The following PPP1R3G variants were observed in gnomAD, a reference collection of about 807,000 sequenced individuals.
PPP1R3G encodes protein phosphatase 1 regulatory subunit 3G, also known as protein phosphatase 1, regulatory (inhibitor) subunit 3G.
Under a neutral mutation model 2.0 loss-of-function variants are expected in PPP1R3G, and 3 were observed. The ratio of observed to expected loss-of-function variants is 1.47; its 90% CI spans 0.67 to 3.81. The LOEUF (loss-of-function observed/expected upper bound fraction) is 3.81, where lower values mean the gene tolerates loss of function less well. Among genes scored for constraint, PPP1R3G ranks in the 30% most tolerant of loss-of-function variants. The pLI, the probability that PPP1R3G is intolerant of heterozygous loss-of-function variation, is 0.02. For synonymous variants in PPP1R3G, 267 were observed against 250.9 expected, an observed-to-expected ratio of 1.06 and a Z score of -0.61; for missense variants, 595 against 517.0, an observed-to-expected ratio of 1.15 and a Z score of -1.46.
rs1245256515 is a variant in PPP1R3G, at chr6:5,085,758, C to G, written c.273C>G (p.Pro91=). 9 of 1,536,798 alleles carry G rather than the reference C, an allele frequency of 5.9e-6. No individual in the cohort carries two copies. Among genetic ancestry groups the G allele is most frequent in the Non-Finnish European group, 7.9e-6 (9 of 1,142,044 alleles). The change falls in exon 1 of 1, where the codon CCC becomes CCG. Residue 91 remains proline, a synonymous_variant. Transcript: ENST00000405617. ...RARSFSLPAD[P]ILQAAKFLQQ... ...GCTCCTTTTCCTTGCCCGCCGACCC[C>G]ATCTTGCAGGCGGCCAAGTTCCTGC...
rs1368991338 is a variant in PPP1R3G at position 5,085,442 on chromosome 6, A to G, written c.-44A>G. The G allele has an allele frequency of 7.1e-7, 1 of 1,416,440 alleles. No homozygotes were observed. The highest frequency in any genetic ancestry group is 2.2e-5 in the Admixed American group (1 of 46,354). The allele number at this position is 1,416,440 out of a possible 1,614,324, so 87.7% of individuals were successfully genotyped here. On this transcript the variant is annotated 5_prime_UTR_variant, in exon 1 of 1. Transcript: ENST00000405617. ...CCCGAGGAGTTAGTTAAGTCTCCAG[A>G]GGGGCCCGGTTCGGCCCGAGCAAGT...
In PPP1R3G at chr6:5,085,602, C is replaced by G; in HGVS notation, c.117C>G (p.Gly39=). 1 of 1,546,858 alleles carries G rather than the reference C, an allele frequency of 6.5e-7. No individual in the cohort carries two copies. The highest frequency in any genetic ancestry group is 8.7e-7 in the Non-Finnish European group (1 of 1,146,530). The part of the protein sequence containing the change: ...APVVPCVQGG[G]DGGGASETPS... Reference sequence around the variant, plus strand: ...TGGTCCCCTGTGTGCAGGGTGGCGGCGACGGCGGTGGCGCTTCGGAGACCC... The same window carrying G: ...TGGTCCCCTGTGTGCAGGGTGGCGGGGACGGCGGTGGCGCTTCGGAGACCC... The change falls in exon 1 of 1, where the codon GGC becomes GGG. Residue 39 remains glycine, a synonymous_variant. Coordinates refer to ENST00000405617, the MANE Select transcript of PPP1R3G (RefSeq NM_001145115.3).
rs868103551 is a variant in PPP1R3G, at chr6:5,085,603, G to C, written c.118G>C (p.Asp40His). 5.2e-6 allele frequency: 8 copies of C among 1,547,018 alleles called. No individual in the cohort carries two copies. Among genetic ancestry groups the C allele is most frequent in the Non-Finnish European group, 7.0e-6 (8 of 1,146,570 alleles). ...PVVPCVQGGG[D>H]GGGASETPSP... ...GGTCCCCTGTGTGCAGGGTGGCGGCGACGGCGGTGGCGCTTCGGAGACCCC... is the reference window on the plus strand; with the variant it reads ...GGTCCCCTGTGTGCAGGGTGGCGGCCACGGCGGTGGCGCTTCGGAGACCCC... Residue 40 changes from aspartate to histidine, a missense_variant, in exon 1 of 1, where the codon GAC becomes CAC. By Grantham distance (81) the Asp-to-His change is moderately conservative. Transcript: ENST00000405617.
In PPP1R3G at chr6:5,085,653, T is replaced by C. The variant is rs1306658441; in HGVS notation, c.168T>C (p.Asp56=). The change falls in exon 1 of 1, where the codon GAT becomes GAC. Residue 56 remains aspartate, a synonymous_variant. Coordinates refer to ENST00000405617, the MANE Select transcript of PPP1R3G (RefSeq NM_001145115.3). ...ETPSPDAQLG[D]RPLSPKEEAA... is the part of the protein sequence containing the mutation. The stretch of plus-strand genomic sequence containing the variant: ...CGAGTCCTGACGCTCAGCTAGGGGA[T>C]AGGCCCCTGTCCCCGAAGGAAGAGG... 3.2e-6 allele frequency: 5 copies of C among 1,548,710 alleles called. 1 individual carries two copies. In the South Asian group the frequency reaches 3.6e-5, roughly 11 times the overall value.
Position 5,086,455 on chromosome 6 carries a change from G to T in PPP1R3G, c.970G>T (p.Ala324Ser). The T allele has an allele frequency of 6.5e-7, 1 of 1,536,856 alleles. No homozygotes were observed. The highest frequency in any genetic ancestry group is 8.7e-7 in the Non-Finnish European group (1 of 1,146,700). ...DEEDADERGV[A>S]VHFAVCYRCA... is the part of the protein sequence containing the mutation. Reference sequence around the variant, plus strand: ...AGAGGACGCCGACGAGCGCGGCGTCGCGGTCCACTTCGCTGTCTGCTACCG... The same window carrying T: ...AGAGGACGCCGACGAGCGCGGCGTCTCGGTCCACTTCGCTGTCTGCTACCG... The change falls in exon 1 of 1, where the codon GCG becomes TCG. Residue 324 changes from alanine (A) to serine (S), a missense_variant. Coordinates refer to ENST00000405617, the MANE Select transcript of PPP1R3G (RefSeq NM_001145115.3).
At position 5,085,409 on chromosome 6, in the gene PPP1R3G, T is replaced by C; in HGVS notation, c.-77T>C. ...AGCCTGAACTGCAGCCCTGCGCTCC[T>C]TCCACGGCCCGAGGAGTTAGTTAAG... is the stretch of plus-strand genomic sequence containing the variant. On this transcript the variant is annotated 5_prime_UTR_variant, in exon 1 of 1. Coordinates refer to ENST00000405617, the MANE Select transcript of PPP1R3G (RefSeq NM_001145115.3). 1 of 1,125,204 alleles carries C rather than the reference T, an allele frequency of 8.9e-7. No homozygotes were observed. The highest frequency in any genetic ancestry group is 1.5e-5 in the South Asian group (1 of 64,896). The allele number at this position is 1,125,204 out of a possible 1,614,324, so 69.7% of individuals were successfully genotyped here. A position where few individuals can be genotyped will look rare whatever the true frequency, so the allele number is the denominator to read the frequency against.
Position 5,086,776 on chromosome 6 carries a change from TC to T in PPP1R3G, c.*215del. 1.7e-6 allele frequency: 1 copy of T among 578,500 alleles called. No individual in the cohort carries two copies. Among genetic ancestry groups the T allele is most frequent in the Non-Finnish European group, 3.0e-6 (1 of 328,578 alleles). The allele number at this position is 578,500 out of a possible 1,614,324, so 35.8% of individuals were successfully genotyped here. On this transcript the variant is annotated 3_prime_UTR_variant, in exon 1 of 1. Coordinates refer to ENST00000405617, the MANE Select transcript of PPP1R3G (RefSeq NM_001145115.3). The stretch of plus-strand genomic sequence containing the variant: ...GAGCCCGGGCAATGCTCCGAAAGCC[TC>T]TGACCTCAGTCTTCTCGTCCGTTTG...
chr6:5,086,492 G>A lies in PPP1R3G; in HGVS notation c.1007G>A (p.Gly336Asp), dbSNP rs867120021. 7.8e-6 allele frequency: 12 copies of A among 1,537,352 alleles called. No homozygotes were observed. Among genetic ancestry groups the A allele is most frequent in the African/African-American group, 6.8e-5 (5 of 73,042 alleles). ...HFAVCYRCAQ[G>D]EYWDNNAGAN... ...GCTGTCTGCTACCGCTGCGCGCAGG[G>A]CGAGTACTGGGACAACAACGCGGGC... is the stretch of plus-strand genomic sequence containing the variant. Residue 336 changes from glycine to aspartate, a missense_variant, in exon 1 of 1, where the codon GGC becomes GAC. Physicochemically the swap from Gly to Asp is moderately conservative, Grantham distance 94. Transcript: ENST00000405617.
rs1039324888 is a variant in PPP1R3G, at chr6:5,088,676, A to G, written c.*2114A>G. The G allele has an allele frequency of 6.6e-6, 1 of 152,236 alleles. No homozygotes were observed. Among genetic ancestry groups the G allele is most frequent in the Non-Finnish European group, 1.5e-5 (1 of 68,038 alleles). The allele number at this position is 152,236 out of a possible 1,614,324, so 9.4% of individuals were successfully genotyped here. A position where few individuals can be genotyped will look rare whatever the true frequency, so the allele number is the denominator to read the frequency against. On this transcript the variant is annotated 3_prime_UTR_variant, in exon 1 of 1. Coordinates refer to ENST00000405617, the MANE Select transcript of PPP1R3G (RefSeq NM_001145115.3). ...AGGGAAGTAGTGTTTTTTAAACACAATATGCTGACAATTATAGTTAATAAA... is the reference window on the plus strand; with the variant it reads ...AGGGAAGTAGTGTTTTTTAAACACAGTATGCTGACAATTATAGTTAATAAA...
chr6:5,086,338 G>A lies in PPP1R3G; in HGVS notation c.853G>A (p.Glu285Lys), dbSNP rs1162572338. ...QQPEAPSGAS[E>K]PGSGDAKKEP... ...GCCAGAGGCACCGTCTGGGGCCTCC[G>A]AGCCAGGGTCCGGGGATGCCAAGAA... The change falls in exon 1 of 1, where the codon GAG becomes AAG. Residue 285 changes from glutamate to lysine, a missense_variant. Coordinates refer to ENST00000405617, the MANE Select transcript of PPP1R3G (RefSeq NM_001145115.3). The A allele has an allele frequency of 5.2e-6, 8 of 1,535,854 alleles. No homozygotes were observed. The highest frequency in any genetic ancestry group is 4.9e-5 in the East Asian group (2 of 40,900).
In PPP1R3G at chr6:5,086,089, C is replaced by G; in HGVS notation, c.604C>G (p.Gln202Glu). The change falls in exon 1 of 1, where the codon CAG (glutamine) becomes GAG (glutamate). Residue 202 changes from glutamine to glutamate, a missense_variant. Transcript: ENST00000405617. ...APPSRLRPLF[Q>E]LPGPSAAAER... The stretch of plus-strand genomic sequence containing the variant: ...GCCTTCCCGGCTCCGGCCGCTCTTC[C>G]AGCTCCCGGGGCCGAGCGCCGCGGC... The G allele has an allele frequency of 6.8e-7, 1 of 1,467,746 alleles. No homozygotes were observed. Among genetic ancestry groups the G allele is most frequent in the Non-Finnish European group, 8.9e-7 (1 of 1,118,262 alleles). 90.9% of individuals were successfully genotyped at this position (1,467,746 alleles called of 1,614,324 possible). A position where few individuals can be genotyped will look rare whatever the true frequency, so the allele number is the denominator to read the frequency against.
In PPP1R3G at chr6:5,086,471, T is replaced by C; in HGVS notation, c.986T>C (p.Val329Ala). 6.5e-7 allele frequency: 1 copy of C among 1,537,248 alleles called. No individual in the cohort carries two copies. The highest frequency in any genetic ancestry group is 2.4e-5 in the East Asian group (1 of 40,894). ...DERGVAVHFAVCYRCAQGEYW... is the reference protein window; with the variant it reads ...DERGVAVHFAACYRCAQGEYW... ...CGCGGCGTCGCGGTCCACTTCGCTG[T>C]CTGCTACCGCTGCGCGCAGGGCGAG... is the stretch of plus-strand genomic sequence containing the variant. The change falls in exon 1 of 1, where the codon GTC (valine) becomes GCC (alanine). Residue 329 changes from valine to alanine, a missense_variant. By Grantham distance (64) the Val-to-Ala change is moderately conservative. Coordinates refer to ENST00000405617, the MANE Select transcript of PPP1R3G (RefSeq NM_001145115.3).
chr6:5,089,125 A>C lies in PPP1R3G; in HGVS notation c.*2563A>C, dbSNP rs1252505494. The C allele has an allele frequency of 6.6e-6, 1 of 152,214 alleles. No individual in the cohort carries two copies. Among genetic ancestry groups the C allele is most frequent in the Non-Finnish European group, 1.5e-5 (1 of 68,030 alleles). 9.4% of individuals were successfully genotyped at this position (152,214 alleles called of 1,614,324 possible). A position where few individuals can be genotyped will look rare whatever the true frequency, so the allele number is the denominator to read the frequency against. ...ACATATTACAATTTAGACTTTTAAA[A>C]ATGGTCAATGGTCATATCAATGAAC... On this transcript the variant is annotated 3_prime_UTR_variant, in exon 1 of 1. Coordinates refer to ENST00000405617, the MANE Select transcript of PPP1R3G (RefSeq NM_001145115.3).
In PPP1R3G at chr6:5,086,360, A is replaced by C. The variant is rs534017350; in HGVS notation, c.875A>C (p.Lys292Thr). The C allele has an allele frequency of 6.5e-7, 1 of 1,536,036 alleles. No individual in the cohort carries two copies. Among genetic ancestry groups the C allele is most frequent in the Non-Finnish European group, 8.7e-7 (1 of 1,146,722 alleles). ...GASEPGSGDA[K>T]KEPGAECFHF... ...TCCGAGCCAGGGTCCGGGGATGCCA[A>C]GAAAGAGCCAGGCGCCGAGTGCTTC... The change falls in exon 1 of 1, where the codon AAG becomes ACG. Residue 292 changes from lysine (K) to threonine (T), a missense_variant. Physicochemically the swap from Lys to Thr is moderately conservative, Grantham distance 78. Transcript: ENST00000405617.
chr6:5,087,333 C>T lies in PPP1R3G; in HGVS notation c.*771C>T, dbSNP rs1174481466. ...ACTTTAACAATCCTTAAACAACAGC[C>T]TACAAATTCCTCCCCTTCGTTCCTT... On this transcript the variant is annotated 3_prime_UTR_variant, in exon 1 of 1. Coordinates refer to ENST00000405617, the MANE Select transcript of PPP1R3G (RefSeq NM_001145115.3). The T allele has an allele frequency of 1.3e-5, 2 of 152,236 alleles. No homozygotes were observed. The highest frequency in any genetic ancestry group is 2.1e-4 in the South Asian group (1 of 4,826). The allele number at this position is 152,236 out of a possible 1,614,324, so 9.4% of individuals were successfully genotyped here. A position where few individuals can be genotyped will look rare whatever the true frequency, so the allele number is the denominator to read the frequency against.
chr6:5,089,185 CTT>C lies in PPP1R3G; in HGVS notation c.*2625_*2626del, dbSNP rs1166918036. 1 of 152,120 alleles carries C rather than the reference CTT, an allele frequency of 6.6e-6. No individual in the cohort carries two copies. Among genetic ancestry groups the C allele is most frequent in the Non-Finnish European group, 1.5e-5 (1 of 68,006 alleles). 9.4% of individuals were successfully genotyped at this position (152,120 alleles called of 1,614,324 possible). ...CTTAATTCATATATGCTTATAAAAA[CTT>C]TGACGAAAAATAAATGATAAAATGA... On this transcript the variant is annotated 3_prime_UTR_variant, in exon 1 of 1. Transcript: ENST00000405617.
Position 5,086,241 on chromosome 6 carries a change from C to T in PPP1R3G, c.756C>T (p.Tyr252=). Residue 252 remains tyrosine (Y), a synonymous_variant, in exon 1 of 1, where the codon TAC becomes TAT. Coordinates refer to ENST00000405617, the MANE Select transcript of PPP1R3G (RefSeq NM_001145115.3). The stretch of plus-strand genomic sequence containing the variant: ...GGCCCAGGGCCGTGACCGTGCGCTA[C>T]ACCTTTACCGAGTGGCGCTCCTTCC... ...CPGPRAVTVR[Y]TFTEWRSFLD... 1 of 1,535,580 alleles carries T rather than the reference C, an allele frequency of 6.5e-7. No homozygotes were observed. Among genetic ancestry groups the T allele is most frequent in the Non-Finnish European group, 8.7e-7 (1 of 1,146,698 alleles).
At position 5,086,037 on chromosome 6, in the gene PPP1R3G, G is replaced by A. The variant is rs530486055; in HGVS notation, c.552G>A (p.Ala184=). ...AGCTCGGGGGGCTGCTGGCCGCGGC[G>A]GCAGTGGCCGCGCCCCTTTCAGCGC... ...LEQLGGLLAA[A]AVAAPLSAPP... Residue 184 remains alanine (A), a synonymous_variant, in exon 1 of 1, where the codon GCG becomes GCA. Coordinates refer to ENST00000405617, the MANE Select transcript of PPP1R3G (RefSeq NM_001145115.3). 7.4e-6 allele frequency: 11 copies of A among 1,489,034 alleles called. No homozygotes were observed. In the South Asian group the frequency reaches 8.8e-5, roughly 12 times the overall value. 92.2% of individuals were successfully genotyped at this position (1,489,034 alleles called of 1,614,324 possible). A position where few individuals can be genotyped will look rare whatever the true frequency, so the allele number is the denominator to read the frequency against.
In PPP1R3G at chr6:5,086,523, C is replaced by G. The variant is rs564062299; in HGVS notation, c.1038C>G (p.Asn346Lys). 9.8e-6 allele frequency: 15 copies of G among 1,533,436 alleles called. No homozygotes were observed. Among genetic ancestry groups the G allele is most frequent in the Non-Finnish European group, 1.2e-5 (14 of 1,142,672 alleles). The allele number at this position is 1,533,436 out of a possible 1,614,324, so 95.0% of individuals were successfully genotyped here. The change falls in exon 1 of 1, where the codon AAC becomes AAG. Residue 346 changes from asparagine (N) to lysine (K), a missense_variant. Transcript: ENST00000405617. ...GEYWDNNAGA[N>K]YTLRYARPAD... ...ACTGGGACAACAACGCGGGCGCCAACTACACGCTGCGCTACGCGCGCCCTG... is the reference window on the plus strand; with the variant it reads ...ACTGGGACAACAACGCGGGCGCCAAGTACACGCTGCGCTACGCGCGCCCTG...
Sources: gnomAD v4.1 joint callset for allele counts on GRCh38, gnomAD v4.1.1 for gene constraint, MANE v1.5 for transcripts, NCBI Gene and HGNC (gene_info 2026-07-23, HGNC 2026-07-21) for gene names.